Variants in C1orf185 observed in about 807,000 individuals in gnomAD.
C1orf185 encodes the protein uncharacterized protein C1orf185.
Under a neutral mutation model 16.1 loss-of-function variants are expected in C1orf185, and 13 were observed. The observed-to-expected ratio is 0.81, with a 90% CI of 0.53 to 1.28. The LOEUF is 1.28. Ranked by LOEUF, C1orf185 falls within the 50% of genes most tolerant of loss-of-function variation. The pLI is 0.00. For missense variants in C1orf185, 220 were observed against 225.2 expected (o/e 0.98, Z 0.15); for synonymous variants, 80 against 76.9 (o/e 1.04, Z -0.21).
At chr1:51,126,468 C>A (rs940609362) in intron 3 of C1orf185, among the ~76,000 whole-genome samples, 1 of 151,934 alleles carries the variant, frequency 6.6e-6, no homozygotes, top group African/African-American at 2.4e-5. Context: ...GCTGTGTTGC[C>A]GAGGCTAATC....
chr1:51,147,760 G>A lies in C1orf185; in HGVS notation c.589G>A (p.Asp197Asn). Residue 197 changes from aspartate (D) to asparagine (N), a missense_variant, in exon 5 of 5, where the codon GAC becomes AAC. Asp to Asn is a conservative substitution (Grantham distance 23). Transcript: ENST00000371759. Reference sequence around the variant, plus strand: ...AGAGGGTACTGAAAGTGTACTGAATGACACTTTATGACCATCAAAAAGATG... The same window carrying A: ...AGAGGGTACTGAAAGTGTACTGAATAACACTTTATGACCATCAAAAAGATG... ...LEEGTESVLN[D>N]TL is the part of the protein sequence containing the mutation. The A allele has an allele frequency of 1.3e-6, 2 of 1,515,772 alleles. No individual in the cohort carries two copies. The highest frequency in any genetic ancestry group is 2.5e-5 in the South Asian group (2 of 78,922). The allele number at this position is 1,515,772 out of a possible 1,614,324, so 93.9% of individuals were successfully genotyped here. A position where few individuals can be genotyped will look rare whatever the true frequency, so the allele number is the denominator to read the frequency against.
chr1:51,114,249 G>A (rs1646142505), intron 2 of C1orf185, among the ~76,000 whole-genome samples: 1 of 152,210 alleles, frequency 6.6e-6, no homozygotes, highest in Non-Finnish European at 1.5e-5. Flanking sequence ...GAATTTGTAG[G>A]CTAGAACACG....
At chr1:51,108,096 C>T (rs1315685421) in intron 1 of C1orf185, among the ~76,000 whole-genome samples, 2 of 152,202 alleles carry the variant, frequency 1.3e-5, no homozygotes, top group Non-Finnish European at 2.9e-5. Flanking sequence ...TACCAAATTA[C>T]ATTCTCACCA....
chr1:51,149,523 T>A (rs1422223125), downstream of C1orf185, among the ~76,000 whole-genome samples: 1 of 152,210 alleles, frequency 6.6e-6, no homozygotes, highest in Non-Finnish European at 1.5e-5. Context: ...GGCCTCTGTC[T>A]CTTGGCACCC....
intron 3 of C1orf185, 87 bp downstream of exon 3, chr1:51,118,888 C>A: frequency 2.0e-6 from 2 of 1,014,986 alleles, no homozygotes; most frequent in Non-Finnish European, 2.6e-6. Context: ...ATCTGAAGGA[C>A]AGAGAATCCA....
downstream of C1orf185, among the ~76,000 whole-genome samples, chr1:51,148,287 T>A (rs1427107180): frequency 6.6e-6 from 1 of 152,138 alleles, no homozygotes; most frequent in African/African-American, 2.4e-5. Flanking sequence ...CCATGCCAGC[T>A]AATTTTTGTA....
At chr1:51,112,364 A>T in intron 1 of C1orf185, 100 bp from the exon 2 acceptor site, 1 of 940,866 alleles carries the variant, frequency 1.1e-6, no homozygotes, top group Non-Finnish European at 1.6e-6. Context: ...TTAATGTCTT[A>T]ACACTACAAC....
At chr1:51,138,365 T>G (rs1230707134) in intron 3 of C1orf185, among the ~76,000 whole-genome samples, 2 of 152,356 alleles carry the variant, frequency 1.3e-5, no homozygotes, top group East Asian at 3.9e-4. Flanking sequence ...ATTCACGTTG[T>G]GCAACCATCA....
intron 3 of C1orf185, among the ~76,000 whole-genome samples, chr1:51,143,895 G>A (rs142071160): frequency 1.1e-3 from 173 of 152,206 alleles, no homozygotes; most frequent in African/African-American, 4.0e-3. Flanking sequence ...ACTCCTGGGC[G>A]TGAGCCACTG....
intron 3 of C1orf185, among the ~76,000 whole-genome samples, chr1:51,142,569 C>G (rs906664644): frequency 5.3e-5 from 8 of 152,150 alleles, no homozygotes; most frequent in Non-Finnish European, 1.5e-5. Flanking sequence ...TTCAATTTCT[C>G]TGGTAGACAT....
At chr1:51,138,424 G>C (rs979167166) in intron 3 of C1orf185, among the ~76,000 whole-genome samples, 2 of 152,230 alleles carry the variant, frequency 1.3e-5, no homozygotes, top group Non-Finnish European at 2.9e-5. Flanking sequence ...ACAGAGTCTT[G>C]CTCTGTTGCC....
chr1:51,118,419 A>G (rs1224265730), intron 2 of C1orf185, among the ~76,000 whole-genome samples: 1 of 152,234 alleles, frequency 6.6e-6, no homozygotes, highest in Non-Finnish European at 1.5e-5. Flanking sequence ...CTCTGCATAC[A>G]TAACTTAATT....
chr1:51,105,888 A>G (rs2148007612), intron 1 of C1orf185, among the ~76,000 whole-genome samples: 1 of 152,348 alleles, frequency 6.6e-6, no homozygotes, highest in East Asian at 1.9e-4. Flanking sequence ...TTAGACAGAA[A>G]GTGACACTCA....
At chr1:51,151,839 C>G (rs1156610258), downstream of C1orf185, among the ~76,000 whole-genome samples, 1 of 151,910 alleles carries the variant, frequency 6.6e-6, no homozygotes, top group Non-Finnish European at 1.5e-5. Context: ...CAGGCGCCCA[C>G]CACCACACCT....
intron 2 of C1orf185, among the ~76,000 whole-genome samples, chr1:51,115,194 C>T (rs1386687580): frequency 2.0e-5 from 3 of 152,022 alleles, no homozygotes; most frequent in Admixed American, 6.6e-5. Flanking sequence ...AAAAATTAAT[C>T]GGGCATGGTC....
chr1:51,139,504 T>G (rs1271887972), intron 3 of C1orf185, among the ~76,000 whole-genome samples: 1 of 152,234 alleles, frequency 6.6e-6, no homozygotes, highest in East Asian at 1.9e-4. Flanking sequence ...TTTTCTGTAC[T>G]CTGAATAGTT....
intron 3 of C1orf185, among the ~76,000 whole-genome samples, chr1:51,132,713 A>G (rs944253879): frequency 5.9e-5 from 9 of 152,168 alleles, no homozygotes; most frequent in African/African-American, 2.2e-4. Flanking sequence ...AGAGAACTCC[A>G]GTAAGATACT....
At chr1:51,138,245 T>C (rs1283262683) in intron 3 of C1orf185, among the ~76,000 whole-genome samples, 3 of 152,190 alleles carry the variant, frequency 2.0e-5, no homozygotes, top group African/African-American at 7.2e-5. Flanking sequence ...AGAAATCTTA[T>C]TTATGTTTGT....
At chr1:51,105,535 A>G (rs1458152523) in intron 1 of C1orf185, among the ~76,000 whole-genome samples, 2 of 152,182 alleles carry the variant, frequency 1.3e-5, no homozygotes, top group Non-Finnish European at 2.9e-5. Flanking sequence ...ACTAGCATCT[A>G]TCATTATCCA....
Sources: gnomAD v4.1 joint callset for allele counts (sites outside exome capture counted in the v4.1 genomes callset) on GRCh38, gnomAD v4.1.1 for gene constraint, MANE v1.5 for transcripts, NCBI Gene and HGNC (gene_info 2026-07-23, HGNC 2026-07-21) for gene names.